TMEM71: variants seen among roughly 807,000 people sequenced by gnomAD.
The protein encoded by TMEM71 is transmembrane protein 71.
In TMEM71, 44 loss-of-function variants were observed where a neutral mutation model predicts 38.0. The ratio of observed to expected loss-of-function variants is 1.16; its 90% CI spans 0.91 to 1.49. TMEM71 has a LOEUF of 1.49. TMEM71 is among the 40% of genes most tolerant of loss of function. The probability of loss-of-function intolerance (pLI) is 0.00; values close to 1 mark genes in which losing one functional copy is unlikely to be tolerated. For missense variants in TMEM71, 367 were observed against 348.6 expected (o/e 1.05, Z -0.42); for synonymous variants, 133 against 122.5 (o/e 1.09, Z -0.56).
At position 132,721,632 on chromosome 8, in the gene TMEM71, T is replaced by C. The variant is rs571180041; in HGVS notation, c.752+408A>G. Among the ~76,000 whole-genome samples, 5 of 151,526 alleles carry C rather than the reference T, an allele frequency of 3.3e-5. No homozygotes were observed. In the East Asian group the frequency reaches 5.9e-4, roughly 18 times the overall value. On this transcript the variant is annotated intron_variant, in intron 7 of 9. Transcript: ENST00000677595. Reference sequence around the variant, plus strand: ...CGGGATCTCAGCTCACTGCAACCTCTGCCTCCCGGGTTCAAGCAATTCTCC... The same window carrying C: ...CGGGATCTCAGCTCACTGCAACCTCCGCCTCCCGGGTTCAAGCAATTCTCC...
At chr8:132,772,535 G>A in the TMEM71 span, among the ~76,000 whole-genome samples, 4 of 152,110 alleles carry the variant, frequency 2.6e-5, no homozygotes, top group Admixed American at 6.5e-5. Flanking sequence ...ACTCTATGTG[G>A]TTAAAAGAGG....
intron 4 of TMEM71, 46 bp downstream of exon 4, chr8:132,751,739 G>A (rs1277718437): frequency 1.3e-6 from 2 of 1,517,814 alleles, no homozygotes; most frequent in Admixed American, 1.7e-5. Flanking sequence ...AACAATTAAT[G>A]GATGGATTGG....
chr8:132,750,987 C>T (rs1037074706), intron 4 of TMEM71, among the ~76,000 whole-genome samples: 5 of 152,050 alleles, frequency 3.3e-5, no homozygotes, highest in African/African-American at 1.2e-4. Context: ...CTGTGGATAC[C>T]TTGCCTTCAT....
intron 3 of TMEM71, among the ~76,000 whole-genome samples, chr8:132,752,762 G>A (rs969270698): frequency 8.9e-5 from 13 of 145,558 alleles, no homozygotes; most frequent in African/African-American, 3.4e-4. Context: ...AGGAAGAAGA[G>A]AGAGAGAGAA....
chr8:132,748,552 T>C (rs1476616280), intron 4 of TMEM71, among the ~76,000 whole-genome samples: 1 of 152,222 alleles, frequency 6.6e-6, no homozygotes, highest in Non-Finnish European at 1.5e-5. Context: ...AGAAAAATGG[T>C]AGAGTTCATG....
chr8:132,714,066 G>A lies in TMEM71; in HGVS notation c.815-14C>T. 1 of 1,613,888 alleles carries A rather than the reference G, an allele frequency of 6.2e-7. No homozygotes were observed. Among genetic ancestry groups the A allele is most frequent in the Non-Finnish European group, 8.5e-7 (1 of 1,179,806 alleles). ...ATGATTTCACATCTTGAGTGAAACA[G>A]AGAAAATATTTTAAAATCATTTTAA... On this transcript the variant is annotated splice_polypyrimidine_tract_variant and intron_variant, in intron 8 of 9. Transcript: ENST00000677595.
upstream of TMEM71, among the ~76,000 whole-genome samples, chr8:132,763,857 C>G (rs185405000): frequency 2.0e-5 from 3 of 152,132 alleles, no homozygotes; most frequent in Non-Finnish European, 4.4e-5. Flanking sequence ...CTTTGACAGG[C>G]GGAATGCTAA....
chr8:132,712,741 T>C (rs1255808773), intron 9 of TMEM71, among the ~76,000 whole-genome samples: 1 of 152,212 alleles, frequency 6.6e-6, no homozygotes, highest in Non-Finnish European at 1.5e-5. Context: ...ATAGAACATA[T>C]TGTAAATTCT....
chr8:132,773,206 A>G, the TMEM71 span, among the ~76,000 whole-genome samples: 3 of 152,122 alleles, frequency 2.0e-5, no homozygotes, highest in Non-Finnish European at 2.9e-5. Context: ...CTTCCCACTA[A>G]ATAGTAGCAG....
the TMEM71 span, among the ~76,000 whole-genome samples, chr8:132,767,483 T>G: frequency 6.6e-6 from 1 of 151,784 alleles, no homozygotes; most frequent in African/African-American, 2.4e-5. Context: ...CTTTGGTTTT[T>G]TTTTTTTTTT....
At chr8:132,761,395 G>C (rs531267107), upstream of TMEM71, among the ~76,000 whole-genome samples, 1 of 152,296 alleles carries the variant, frequency 6.6e-6, no homozygotes, top group East Asian at 1.9e-4. Context: ...TGAAATAAAA[G>C]AAATGAGAAA....
At chr8:132,711,012 A>G (rs751932462) in intron 9 of TMEM71, 30 bp from the exon 10 acceptor site, 4 of 1,605,010 alleles carry the variant, frequency 2.5e-6, no homozygotes, top group East Asian at 2.2e-5. Context: ...AAAGAAATGC[A>G]TAATTCATCC....
chr8:132,731,908 G>A (rs982768847), intron 5 of TMEM71, among the ~76,000 whole-genome samples: 6 of 152,168 alleles, frequency 3.9e-5, no homozygotes, highest in Admixed American at 3.3e-4. Context: ...CAGCTGGGAG[G>A]AAAGACTGAA....
intron 2 of TMEM71, among the ~76,000 whole-genome samples, chr8:132,758,211 T>G (rs1428469989): frequency 6.6e-6 from 1 of 152,244 alleles, no homozygotes; most frequent in Non-Finnish European, 1.5e-5. Flanking sequence ...CAACAGACTT[T>G]ACTTGGAGAA....
rs1464173992 is a variant in TMEM71, at chr8:132,733,458, G to A, written c.488-5472C>T. Among the ~76,000 whole-genome samples the A allele has an allele frequency of 2.0e-5, 3 of 152,320 alleles. 1 individual carries two copies. In the South Asian group the frequency reaches 6.2e-4, roughly 32 times the overall value. ...CTAAGACTGCGACTTCAAGAGAGGA[G>A]AATAGCTGGTGGGCTGACTTCACCT... is the stretch of plus-strand genomic sequence containing the variant. On this transcript the variant is annotated intron_variant, in intron 5 of 9. Coordinates refer to ENST00000677595, the MANE Select transcript of TMEM71 (RefSeq NM_001382403.1).
chr8:132,736,107 C>T (rs747993497), intron 5 of TMEM71, among the ~76,000 whole-genome samples: 13 of 152,116 alleles, frequency 8.5e-5, no homozygotes, highest in Non-Finnish European at 1.5e-4. Flanking sequence ...CCTTGGTCTT[C>T]TTGGTTTTAT....
rs758214429 is a variant in TMEM71, at chr8:132,747,120, G to A, written c.315-6C>T. ...TCTTTTTCTTTCTAAATATCCTAGA[G>A]AGAAATGAAAGCATGGTGAACAACG... is the stretch of plus-strand genomic sequence containing the variant. On this transcript the variant is annotated splice_region_variant and splice_polypyrimidine_tract_variant and intron_variant, in intron 4 of 9. Transcript: ENST00000677595. The A allele has an allele frequency of 1.9e-6, 3 of 1,587,024 alleles. No homozygotes were observed. The highest frequency in any genetic ancestry group is 1.9e-5 in the Admixed American group (1 of 53,662).
rs764925851 is a variant in TMEM71, at chr8:132,714,161, A to G, written c.807T>C (p.Thr269=). 7 of 1,612,876 alleles carry G rather than the reference A, an allele frequency of 4.3e-6. No individual in the cohort carries two copies. Among genetic ancestry groups the G allele is most frequent in the Non-Finnish European group, 5.9e-6 (7 of 1,179,216 alleles). The change falls in exon 8 of 10, where the codon ACT becomes ACC. Residue 269 remains threonine, a synonymous_variant. Coordinates refer to ENST00000677595, the MANE Select transcript of TMEM71 (RefSeq NM_001382403.1). Reference sequence around the variant, plus strand: ...TGGGAAACAGTTACTTACAAGCTACAGTTATCATCAATGAGCATGTGAAGA... The same window carrying G: ...TGGGAAACAGTTACTTACAAGCTACGGTTATCATCAATGAGCATGTGAAGA... ...ASVFTCSLMI[T]VAYVKSLFLS... is the part of the protein sequence containing the mutation.
intron 4 of TMEM71, 47 bp from the exon 5 acceptor site, chr8:132,747,161 T>C: frequency 6.8e-7 from 1 of 1,466,470 alleles, no homozygotes; most frequent in Non-Finnish European, 9.1e-7. Flanking sequence ...TAGTTACCTT[T>C]AGTTCAAAAC....
Sources: gnomAD v4.1 joint callset for allele counts (sites outside exome capture counted in the v4.1 genomes callset) on GRCh38, gnomAD v4.1.1 for gene constraint, MANE v1.5 for transcripts, NCBI Gene and HGNC (gene_info 2026-07-23, HGNC 2026-07-21) for gene names.